The following CSMD1 variants were observed in gnomAD, a reference collection of about 807,000 sequenced individuals.
CSMD1 encodes CUB and Sushi multiple domains 1, also known as CUB and sushi domain-containing protein 1.
A neutral mutation model predicts 417.5 loss-of-function variants in CSMD1; 213 were observed. The observed-to-expected ratio is 0.51, with a 90% CI of 0.46 to 0.57. The LOEUF is 0.57. Among genes scored for constraint, CSMD1 ranks in the 20% least tolerant of loss-of-function variants. The pLI, the probability that CSMD1 is intolerant of heterozygous loss-of-function variation, is 0.00. For synonymous variants in CSMD1, 2,862 were observed against 1,736.8 expected, an observed-to-expected ratio of 1.65 and a Z score of -16.11; for missense variants, 6,923 against 4,529.7, an observed-to-expected ratio of 1.53 and a Z score of -15.17.
At chr8:3,621,275 G>A (rs76045046) in intron 7 of CSMD1, among the ~76,000 whole-genome samples, 4,330 of 152,220 alleles carry the variant, frequency 0.028, 230 homozygotes, top group African/African-American at 0.098. Flanking sequence ...ACATAGGTTG[G>A]CAGGAGGCGT....
intron 3 of CSMD1, among the ~76,000 whole-genome samples, chr8:4,105,507 G>A (rs1309821630): frequency 6.6e-6 from 1 of 152,148 alleles, no homozygotes; most frequent in Non-Finnish European, 1.5e-5. Context: ...ATGGTTCTAG[G>A]CTTCATTAAG....
At chr8:4,579,129 T>C (rs1799287971) in intron 2 of CSMD1, among the ~76,000 whole-genome samples, 1 of 151,868 alleles carries the variant, frequency 6.6e-6, no homozygotes, top group African/African-American at 2.4e-5. Flanking sequence ...GGAAGAGCAG[T>C]AATTGCAGAA....
intron 7 of CSMD1, among the ~76,000 whole-genome samples, chr8:3,648,909 C>G (rs910367946): frequency 3.9e-5 from 6 of 152,140 alleles, no homozygotes; most frequent in South Asian, 2.1e-4. Context: ...TTTAAATGAC[C>G]AAGTGTAACA....
At chr8:4,720,439 A>ATGG (rs1009301089) in intron 1 of CSMD1, among the ~76,000 whole-genome samples, 3 of 152,090 alleles carry the variant, frequency 2.0e-5, no homozygotes, top group Non-Finnish European at 2.9e-5. Flanking sequence ...GTTTTTTGAG[A>ATGG]TGGAGTCTTG....
At chr8:3,944,563 T>A (rs1303325448) in intron 5 of CSMD1, among the ~76,000 whole-genome samples, 2 of 152,126 alleles carry the variant, frequency 1.3e-5, no homozygotes, top group African/African-American at 2.4e-5. Context: ...ATTTAAATTG[T>A]CTACAACTTT....
At chr8:3,583,841 C>T (rs1800484855) in intron 9 of CSMD1, among the ~76,000 whole-genome samples, 2 of 151,838 alleles carry the variant, frequency 1.3e-5, no homozygotes, top group Admixed American at 6.6e-5. Context: ...AGAAAGGATA[C>T]TTTTCAAGAA....
At chr8:4,144,386 A>T (rs1305765559) in intron 3 of CSMD1, among the ~76,000 whole-genome samples, 1 of 151,124 alleles carries the variant, frequency 6.6e-6, no homozygotes, top group East Asian at 1.9e-4. Context: ...TTTAGAACTT[A>T]ATTTATCTTT....
intron 1 of CSMD1, among the ~76,000 whole-genome samples, chr8:4,702,334 G>A (rs1269414890): frequency 6.6e-6 from 1 of 152,162 alleles, no homozygotes; most frequent in Non-Finnish European, 1.5e-5. Flanking sequence ...ACTGGATTAG[G>A]AATCTTTGCT....
At chr8:4,762,677 A>T (rs906690009) in intron 1 of CSMD1, among the ~76,000 whole-genome samples, 1 of 152,120 alleles carries the variant, frequency 6.6e-6, no homozygotes, top group African/African-American at 2.4e-5. Flanking sequence ...TTCTCTATCA[A>T]TAAGGTCATT....
At chr8:4,566,731 T>C (rs1252664536) in intron 2 of CSMD1, among the ~76,000 whole-genome samples, 1 of 150,224 alleles carries the variant, frequency 6.7e-6, no homozygotes. Flanking sequence ...CAGTTTCAAA[T>C]ATTTGAGGTG....
intron 2 of CSMD1, among the ~76,000 whole-genome samples, chr8:4,506,399 G>C (rs932414492): frequency 2.6e-5 from 4 of 152,060 alleles, no homozygotes; most frequent in Non-Finnish European, 4.4e-5. Flanking sequence ...AGGGGAGAGA[G>C]AGAAAGTGAT....
At chr8:3,546,822 C>T (rs1203821691) in intron 10 of CSMD1, among the ~76,000 whole-genome samples, 1 of 152,108 alleles carries the variant, frequency 6.6e-6, no homozygotes, top group South Asian at 2.1e-4. Context: ...CATTTACTTC[C>T]AGTGATGTTA....
intron 2 of CSMD1, among the ~76,000 whole-genome samples, chr8:4,527,547 T>C (rs1796581128): frequency 6.6e-6 from 1 of 152,116 alleles, no homozygotes; most frequent in South Asian, 2.1e-4. Flanking sequence ...CAGCAGGTGT[T>C]TGTAGAGATA....
intron 3 of CSMD1, among the ~76,000 whole-genome samples, chr8:4,278,471 G>A (rs906995132): frequency 2.0e-5 from 3 of 152,154 alleles, no homozygotes; most frequent in African/African-American, 7.2e-5. Context: ...TTTTTAACAT[G>A]AAAGCAGCAT....
chr8:3,601,699 C>T (rs374015114), intron 8 of CSMD1, among the ~76,000 whole-genome samples: 1 of 152,134 alleles, frequency 6.6e-6, no homozygotes, highest in Non-Finnish European at 1.5e-5. Flanking sequence ...GAAGAGTTAT[C>T]AACTATAGGA....
chr8:4,074,085 G>C (rs1230180250), intron 3 of CSMD1, among the ~76,000 whole-genome samples: 2 of 152,012 alleles, frequency 1.3e-5, no homozygotes, highest in African/African-American at 4.8e-5. Context: ...GACAAATTTT[G>C]TAATATAATT....
intron 1 of CSMD1, among the ~76,000 whole-genome samples, chr8:4,671,195 T>C (rs1404958009): frequency 6.6e-6 from 1 of 152,222 alleles, no homozygotes; most frequent in Non-Finnish European, 1.5e-5. Context: ...TTCCTCTTAG[T>C]AGTTTCCTTT....
At chr8:4,473,390 T>C (rs1800637779) in intron 2 of CSMD1, among the ~76,000 whole-genome samples, 1 of 152,164 alleles carries the variant, frequency 6.6e-6, no homozygotes, top group Admixed American at 6.5e-5. Context: ...GCTTACCCCA[T>C]TCTCATTGTA....
intron 3 of CSMD1, among the ~76,000 whole-genome samples, chr8:4,381,429 T>G (rs1376812313): frequency 6.6e-6 from 1 of 152,060 alleles, no homozygotes; most frequent in South Asian, 2.1e-4. Context: ...GTAAAACCCA[T>G]TGAAAAGGGG....
Sources: gnomAD v4.1 joint callset for allele counts (sites outside exome capture counted in the v4.1 genomes callset) on GRCh38, gnomAD v4.1.1 for gene constraint, MANE v1.5 for transcripts, NCBI Gene and HGNC (gene_info 2026-07-23, HGNC 2026-07-21) for gene names.